The following SEMA3D variants were observed in gnomAD, a reference collection of about 807,000 sequenced individuals.
The protein encoded by SEMA3D is semaphorin 3D, also known as semaphorin-3D.
SEMA3D carries 84 observed loss-of-function variants against 100.1 expected under a neutral mutation model. The observed-to-expected ratio is 0.84, with a 90% CI of 0.70 to 1.01. The LOEUF is 1.01. Ranked by LOEUF, SEMA3D falls within the 50% of genes least tolerant of loss-of-function variation. The pLI is 0.00. For synonymous variants in SEMA3D, 312 were observed against 320.7 expected (o/e 0.97, Z 0.29); for missense variants, 875 against 934.1 (o/e 0.94, Z 0.82).
At chr7:85,157,251 T>C (rs1386075290) in intron 1 of SEMA3D, among the ~76,000 whole-genome samples, 4 of 152,220 alleles carry the variant, frequency 2.6e-5, no homozygotes, top group Admixed American at 6.5e-5. Flanking sequence ...AAATAAATTA[T>C]GTTAACAATA....
chr7:85,209,716 C>T, the SEMA3D span, among the ~76,000 whole-genome samples: 14 of 151,974 alleles, frequency 9.2e-5, no homozygotes, highest in Non-Finnish European at 1.6e-4. Flanking sequence ...CTCAAGCTGT[C>T]CAGTGCAATA....
chr7:85,012,859 G>T lies in SEMA3D; in HGVS notation c.1704-13C>A. The T allele has an allele frequency of 2.5e-6, 4 of 1,606,444 alleles. No homozygotes were observed. Among genetic ancestry groups the T allele is most frequent in the Non-Finnish European group, 3.4e-6 (4 of 1,174,158 alleles). ...GCGTCTAGCTCTCCTGCGGAAAGGGGATTAAACTTATTAGAACTTCAAGCA... is the reference window on the plus strand; with the variant it reads ...GCGTCTAGCTCTCCTGCGGAAAGGGTATTAAACTTATTAGAACTTCAAGCA... On this transcript the variant is annotated splice_polypyrimidine_tract_variant and intron_variant, in intron 16 of 18. Coordinates refer to ENST00000284136, the MANE Select transcript of SEMA3D (RefSeq NM_001384900.1).
the SEMA3D span, among the ~76,000 whole-genome samples, chr7:85,232,943 G>GAGACAT: frequency 6.6e-6 from 1 of 152,150 alleles, no homozygotes; most frequent in African/African-American, 2.4e-5. Context: ...TGGAGAGGGA[G>GAGACAT]AGACATAGAA....
intron 4 of SEMA3D, among the ~76,000 whole-genome samples, chr7:85,084,425 T>C (rs1430331084): frequency 6.6e-6 from 1 of 152,174 alleles, no homozygotes; most frequent in Non-Finnish European, 1.5e-5. Context: ...GGTTCTTCAA[T>C]AATACAGTGA....
chr7:85,162,715 A>G (rs1370951432), intron 1 of SEMA3D, among the ~76,000 whole-genome samples: 2 of 152,110 alleles, frequency 1.3e-5, no homozygotes, highest in African/African-American at 4.8e-5. Flanking sequence ...AACGTGGAAA[A>G]AGACTGGAAG....
intron 1 of SEMA3D, among the ~76,000 whole-genome samples, chr7:85,168,440 C>T (rs1202762267): frequency 6.6e-6 from 1 of 151,682 alleles, no homozygotes; most frequent in East Asian, 1.9e-4. Flanking sequence ...ACAATTCTGG[C>T]AGTACAGGCT....
At chr7:85,033,535 T>A (rs918142156) in intron 12 of SEMA3D, among the ~76,000 whole-genome samples, 8 of 152,132 alleles carry the variant, frequency 5.3e-5, no homozygotes, top group Admixed American at 5.2e-4. Flanking sequence ...GTCATTTCGA[T>A]ACTTATTTTC....
chr7:85,033,976 T>A (rs1026355309), intron 12 of SEMA3D, among the ~76,000 whole-genome samples: 1 of 151,976 alleles, frequency 6.6e-6, no homozygotes, highest in Admixed American at 6.6e-5. Flanking sequence ...CTGGGAGTTA[T>A]TGTAAGAACA....
chr7:85,138,734 T>A (rs922586251), intron 2 of SEMA3D, among the ~76,000 whole-genome samples: 1 of 151,018 alleles, frequency 6.6e-6, no homozygotes, highest in Non-Finnish European at 1.5e-5. Context: ...TACATAGGTA[T>A]ACACGTGCCA....
At position 85,121,745 on chromosome 7, in the gene SEMA3D, G is replaced by T. The variant is rs975359750; in HGVS notation, c.147C>A (p.Tyr49Ter). Reference protein sequence around the residue: ...KQNIPRLKLTYKDLLLSNSCI... With the variant: ...KQNIPRLKLT ...AGAAAATATGTATATATTTACCTTTGTAGGTTAGCTTGAGTCTTGGAATAT... is the reference window on the plus strand; with the variant it reads ...AGAAAATATGTATATATTTACCTTTTTAGGTTAGCTTGAGTCTTGGAATAT... The change falls in exon 3 of 19, where the codon TAC becomes TAA. Residue 49 changes from tyrosine to a stop codon, truncating the protein, a stop_gained. Transcript: ENST00000284136. LOFTEE classifies it high-confidence loss of function. 6.5e-7 allele frequency: 1 copy of T among 1,547,224 alleles called. No individual in the cohort carries two copies. Among genetic ancestry groups the T allele is most frequent in the Non-Finnish European group, 8.8e-7 (1 of 1,131,680 alleles).
At chr7:85,105,216 C>G (rs1788879134) in intron 3 of SEMA3D, among the ~76,000 whole-genome samples, 11 of 152,042 alleles carry the variant, frequency 7.2e-5, no homozygotes, top group Admixed American at 7.2e-4. Context: ...CCTCTGATCT[C>G]TAAAGTTCCA....
the SEMA3D span, among the ~76,000 whole-genome samples, chr7:85,194,495 T>C: frequency 1.2e-5 from 1 of 83,454 alleles, no homozygotes; most frequent in Non-Finnish European, 2.2e-5. Flanking sequence ...ACTGTTGATA[T>C]GCAAACAGAA....
chr7:85,025,564 T>G (rs1227786889), intron 12 of SEMA3D, among the ~76,000 whole-genome samples: 2 of 151,992 alleles, frequency 1.3e-5, no homozygotes, highest in African/African-American at 4.8e-5. Flanking sequence ...CCCAGACAGC[T>G]GTCAAAGGTT....
At chr7:85,126,536 A>C (rs1789576988) in intron 2 of SEMA3D, among the ~76,000 whole-genome samples, 1 of 151,836 alleles carries the variant, frequency 6.6e-6, no homozygotes, top group African/African-American at 2.4e-5. Flanking sequence ...TCACTTGAGA[A>C]TGTTTTTTAC....
intron 3 of SEMA3D, among the ~76,000 whole-genome samples, chr7:85,106,066 T>C (rs1788910084): frequency 6.6e-6 from 1 of 152,106 alleles, no homozygotes; most frequent in Admixed American, 6.6e-5. Flanking sequence ...TTTCAAAAGC[T>C]TTGCTGGGAT....
At chr7:85,010,342 G>GT (rs1367798775) in intron 17 of SEMA3D, among the ~76,000 whole-genome samples, 4 of 151,932 alleles carry the variant, frequency 2.6e-5, no homozygotes, top group African/African-American at 9.6e-5. Context: ...AAAATGTTGA[G>GT]TAAGGGAGTG....
intron 1 of SEMA3D, among the ~76,000 whole-genome samples, chr7:85,160,989 A>G (rs1364054158): frequency 1.3e-5 from 2 of 152,200 alleles, no homozygotes; most frequent in African/African-American, 4.8e-5. Flanking sequence ...GACTACTTGC[A>G]CGTATGGAGG....
At chr7:85,145,700 AT>A (rs1359798335) in intron 2 of SEMA3D, among the ~76,000 whole-genome samples, 1 of 152,140 alleles carries the variant, frequency 6.6e-6, no homozygotes, top group Non-Finnish European at 1.5e-5. Flanking sequence ...AAGAGAAGTG[AT>A]TTCTTATTCT....
chr7:85,228,356 T>G, the SEMA3D span, among the ~76,000 whole-genome samples: 5 of 152,160 alleles, frequency 3.3e-5, no homozygotes, highest in Non-Finnish European at 4.4e-5. Context: ...TTCCGAATGG[T>G]AATTTCATTT....
Sources: allele counts gnomAD v4.1 joint callset (sites outside exome capture counted in the v4.1 genomes callset), GRCh38; gene constraint gnomAD v4.1.1; transcripts MANE v1.5; gene names NCBI Gene and HGNC (gene_info 2026-07-23, HGNC 2026-07-21).